CNTNAP2: variants seen among roughly 807,000 people sequenced by gnomAD.
CNTNAP2 encodes contactin-associated protein-like 2.
CNTNAP2 carries 98 observed loss-of-function variants against 155.2 expected under a neutral mutation model. The ratio of observed to expected loss-of-function variants is 0.63; its 90% CI spans 0.54 to 0.75. The LOEUF (loss-of-function observed/expected upper bound fraction) is 0.75, where lower values mean the gene tolerates loss of function less well. Among genes scored for constraint, CNTNAP2 ranks in the 30% least tolerant of loss-of-function variants. The pLI, the probability that CNTNAP2 is intolerant of heterozygous loss-of-function variation, is 0.00. For synonymous variants in CNTNAP2, 651 were observed against 631.2 expected (o/e 1.03, Z -0.47); for missense variants, 1,727 against 1,688.1 (o/e 1.02, Z -0.40).
intron 21 of CNTNAP2, among the ~76,000 whole-genome samples, chr7:148,352,021 G>C (rs4424178): frequency 0.63 from 95,125 of 151,682 alleles, 30,316 homozygotes; most frequent in East Asian, 0.95. Context: ...CCTATGTAGA[G>C]GCATAATATC....
At chr7:148,106,939 C>T (rs979412960) in intron 15 of CNTNAP2, among the ~76,000 whole-genome samples, 2 of 151,976 alleles carry the variant, frequency 1.3e-5, no homozygotes, top group African/African-American at 4.8e-5. Flanking sequence ...TTCACGTCTC[C>T]GCTTCTAGTT....
intron 1 of CNTNAP2, among the ~76,000 whole-genome samples, chr7:146,630,759 C>T (rs562144997): frequency 1.8e-4 from 27 of 151,924 alleles, no homozygotes; most frequent in African/African-American, 6.5e-4. Flanking sequence ...ACAAGCATTC[C>T]CATGTACCAA....
At chr7:148,191,854 A>C (rs537704683) in intron 18 of CNTNAP2, among the ~76,000 whole-genome samples, 11 of 152,348 alleles carry the variant, frequency 7.2e-5, no homozygotes, top group African/African-American at 2.6e-4. Context: ...AATATAAAAC[A>C]GTTTACTTCT....
rs535902643 is a variant in CNTNAP2, at chr7:146,519,175, A to G, written c.98-255096A>G. 3.9e-5 allele frequency among the ~76,000 whole-genome samples: 6 copies of G among 151,934 alleles called. No individual in the cohort carries two copies. The South Asian group carries it at 1.2e-3, about 31-fold the overall frequency. ...GGACCATCATTAATATTGAGTATTG[A>G]TAATATAAGGCAGTTTGCTGTGAAT... On this transcript the variant is annotated intron_variant, in intron 1 of 23. Transcript: ENST00000361727.
At chr7:146,676,704 CA>C (rs1800404281) in intron 1 of CNTNAP2, among the ~76,000 whole-genome samples, 1 of 152,028 alleles carries the variant, frequency 6.6e-6, no homozygotes, top group African/African-American at 2.4e-5. Context: ...TGGAAGAAAG[CA>C]AAAGGCTCAT....
At chr7:146,891,373 T>A (rs947951904) in intron 3 of CNTNAP2, among the ~76,000 whole-genome samples, 2 of 152,102 alleles carry the variant, frequency 1.3e-5, no homozygotes, top group Admixed American at 6.6e-5. Flanking sequence ...ATGCAACACA[T>A]CTGCACGTAT....
chr7:147,582,075 G>A (rs1236457269), intron 12 of CNTNAP2, among the ~76,000 whole-genome samples: 1 of 152,074 alleles, frequency 6.6e-6, no homozygotes, highest in Non-Finnish European at 1.5e-5. Flanking sequence ...TACTTTTAAA[G>A]AATTTTCATA....
chr7:147,749,598 G>A (rs927761579), intron 13 of CNTNAP2, among the ~76,000 whole-genome samples: 5 of 152,060 alleles, frequency 3.3e-5, no homozygotes, highest in East Asian at 1.9e-4. Context: ...TGATTTTTCA[G>A]CTATTATATT....
At chr7:147,766,614 T>C (rs1374475500) in intron 13 of CNTNAP2, among the ~76,000 whole-genome samples, 1 of 152,152 alleles carries the variant, frequency 6.6e-6, no homozygotes, top group East Asian at 1.9e-4. Flanking sequence ...CTATGGTCAG[T>C]CTTAATCCTA....
intron 1 of CNTNAP2, among the ~76,000 whole-genome samples, chr7:146,653,109 G>C (rs1410780846): frequency 2.0e-5 from 3 of 152,094 alleles, no homozygotes; most frequent in Non-Finnish European, 4.4e-5. Context: ...TGAAAATTGA[G>C]AGGTTGCCAG....
intron 1 of CNTNAP2, among the ~76,000 whole-genome samples, chr7:146,418,574 T>A (rs1470709093): frequency 6.6e-6 from 1 of 152,110 alleles, no homozygotes; most frequent in Non-Finnish European, 1.5e-5. Flanking sequence ...TTTTCTTAAA[T>A]TGGTACATAA....
At chr7:148,012,737 G>A (rs1802103331) in intron 15 of CNTNAP2, among the ~76,000 whole-genome samples, 1 of 152,114 alleles carries the variant, frequency 6.6e-6, no homozygotes, top group African/African-American at 2.4e-5. Context: ...AATTAATTAA[G>A]CTTTTATTTT....
intron 15 of CNTNAP2, among the ~76,000 whole-genome samples, chr7:148,100,901 C>A (rs141611487): frequency 6.6e-6 from 1 of 151,968 alleles, no homozygotes; most frequent in Non-Finnish European, 1.5e-5. Context: ...CAATGATAGA[C>A]TGGATTAAGA....
chr7:146,835,346 A>C (rs1803595908), intron 2 of CNTNAP2, among the ~76,000 whole-genome samples: 1 of 152,182 alleles, frequency 6.6e-6, no homozygotes, highest in Non-Finnish European at 1.5e-5. Flanking sequence ...CGTTGACTTG[A>C]GTTCACTCAA....
intron 20 of CNTNAP2, among the ~76,000 whole-genome samples, chr7:148,233,696 C>T (rs1239292560): frequency 2.0e-5 from 3 of 152,208 alleles, no homozygotes; most frequent in Admixed American, 1.3e-4. Flanking sequence ...ACTTTAGACA[C>T]ATTTTCTCAT....
intron 23 of CNTNAP2, chr7:148,414,706 C>A (rs2530314): frequency 0.36 from 54,057 of 152,016 alleles, 11,626 homozygotes; most frequent in East Asian, 0.63. Context: ...TTTTTCAGGA[C>A]AGAGCTAGAG....
intron 1 of CNTNAP2, among the ~76,000 whole-genome samples, chr7:146,723,537 T>TTATATATAGATATAAAAAA (rs1233419018): frequency 2.0e-5 from 3 of 152,180 alleles, no homozygotes; most frequent in Admixed American, 2.0e-4. Flanking sequence ...ATCAGAATGA[T>TTATATATAGATATAAAAAA]GATATATATA....
chr7:146,764,399 A>T (rs35935753), intron 1 of CNTNAP2, among the ~76,000 whole-genome samples: 18,555 of 152,036 alleles, frequency 0.12, 1,508 homozygotes, highest in African/African-American at 0.23. Context: ...GCATGAAGTT[A>T]TAAAATTAAA....
chr7:148,217,590 T>C, intron 19 of CNTNAP2, 66 bp downstream of exon 19: 1 of 1,523,122 alleles, frequency 6.6e-7, no homozygotes, highest in Non-Finnish European at 9.1e-7. Flanking sequence ...CTAGCAAGAG[T>C]CTATAGATTG....
Sources: allele counts gnomAD v4.1 joint callset (sites outside exome capture counted in the v4.1 genomes callset), GRCh38; gene constraint gnomAD v4.1.1; transcripts MANE v1.5; gene names NCBI Gene and HGNC (gene_info 2026-07-23, HGNC 2026-07-21).